PHF14: variants seen among roughly 807,000 people sequenced by gnomAD.
The protein encoded by PHF14 is PHD finger protein 14.
In PHF14, 55 loss-of-function variants were observed where a neutral mutation model predicts 117.9. That is an observed-to-expected ratio of 0.47 (90% CI 0.38 to 0.58). The LOEUF is 0.58. Among genes scored for constraint, PHF14 ranks in the 20% least tolerant of loss-of-function variants. The probability of loss-of-function intolerance (pLI) is 0.00; values close to 1 mark genes in which losing one functional copy is unlikely to be tolerated. For synonymous variants in PHF14, 409 were observed against 368.6 expected, an observed-to-expected ratio of 1.11 and a Z score of -1.26; for missense variants, 978 against 1,122.2, an observed-to-expected ratio of 0.87 and a Z score of 1.84.
At chr7:10,988,876 G>A (rs1467431600) in intron 3 of PHF14, among the ~76,000 whole-genome samples, 2 of 152,080 alleles carry the variant, frequency 1.3e-5, no homozygotes, top group South Asian at 4.1e-4. Context: ...ACAGCTTCGA[G>A]GTTCAGTAGG....
At chr7:11,159,448 G>T (rs1444687524) in intron 17 of PHF14, among the ~76,000 whole-genome samples, 1 of 151,878 alleles carries the variant, frequency 6.6e-6, no homozygotes, top group Admixed American at 6.6e-5. Flanking sequence ...AATGGCCAAA[G>T]ATGATGATTG....
chr7:11,038,574 C>T (rs888165593), intron 10 of PHF14, among the ~76,000 whole-genome samples, 186 bp from the exon 11 acceptor site: 14 of 151,566 alleles, frequency 9.2e-5, no homozygotes, highest in Non-Finnish European at 1.8e-4. Context: ...AGGAGAATCG[C>T]TTGAACCCCA....
chr7:11,145,703 C>A (rs1245536127), intron 17 of PHF14, among the ~76,000 whole-genome samples: 1 of 151,902 alleles, frequency 6.6e-6, no homozygotes, highest in Non-Finnish European at 1.5e-5. Flanking sequence ...TTTGTTTGTA[C>A]CACAAGGAAA....
chr7:11,151,095 T>G lies in PHF14; in HGVS notation c.2773-18321T>G, dbSNP rs564755093. On this transcript the variant is annotated intron_variant, in intron 17 of 17. Coordinates refer to ENST00000634607, the MANE Select transcript of PHF14 (RefSeq NM_001007157.2). ...GACAAAAAAACCTGTCATAATGCAA[T>G]GGTGAAATATAAATTTAAATTTTCT... Among the ~76,000 whole-genome samples the G allele has an allele frequency of 2.0e-5, 3 of 152,282 alleles. No homozygotes were observed. In the East Asian group the frequency reaches 5.8e-4, roughly 29 times the overall value.
intron 17 of PHF14, among the ~76,000 whole-genome samples, chr7:11,127,819 C>T (rs148098621): frequency 6.4e-4 from 97 of 152,128 alleles, no homozygotes; most frequent in Middle Eastern, 3.4e-3. Context: ...AGACCATTTA[C>T]GAGAGATTGA....
chr7:11,165,203 G>A (rs898377298), intron 17 of PHF14, among the ~76,000 whole-genome samples: 3 of 152,196 alleles, frequency 2.0e-5, no homozygotes, highest in Admixed American at 6.5e-5. Context: ...GATTACAGGC[G>A]TGAGCCACTG....
At chr7:11,094,636 A>G (rs1459945570) in intron 16 of PHF14, among the ~76,000 whole-genome samples, 2 of 152,180 alleles carry the variant, frequency 1.3e-5, no homozygotes, top group Non-Finnish European at 2.9e-5. Flanking sequence ...GGTTCCTGGA[A>G]AAAAGTTTGT....
rs1393997184 is a variant in PHF14, at chr7:11,023,496, G to GGTTGGGGCCTCTCT, written c.1317+521_1317+534dup. Among the ~76,000 whole-genome samples, 4 of 152,258 alleles carry GGTTGGGGCCTCTCT rather than the reference G, an allele frequency of 2.6e-5. No individual in the cohort carries two copies. The South Asian group carries it at 8.3e-4, about 32-fold the overall frequency. On this transcript the variant is annotated intron_variant, in intron 6 of 17. Transcript: ENST00000634607. ...GTTCCCCTATCTTTCTCCCTGACTT[G>GGTTGGGGCCTCTCT]GTTGGGGCCTCTCTGTTCGCTGAGA...
At chr7:11,119,633 T>C (rs1433378263) in intron 17 of PHF14, among the ~76,000 whole-genome samples, 1 of 151,918 alleles carries the variant, frequency 6.6e-6, no homozygotes, top group African/African-American at 2.4e-5. Flanking sequence ...TAGATGTAGA[T>C]ATAGTGAGAG....
chr7:10,997,421 T>C (rs936900485), intron 4 of PHF14, among the ~76,000 whole-genome samples: 8 of 152,216 alleles, frequency 5.3e-5, no homozygotes, highest in African/African-American at 1.9e-4. Context: ...GGAGGGTTTT[T>C]TTCTTTCTTA....
At chr7:11,133,258 A>C (rs1042526965) in intron 17 of PHF14, among the ~76,000 whole-genome samples, 13 of 151,908 alleles carry the variant, frequency 8.6e-5, no homozygotes, top group African/African-American at 3.1e-4. Flanking sequence ...ATAATATTAA[A>C]GGAGAACAAA....
chr7:11,074,809 A>G (rs1785766605), intron 16 of PHF14, among the ~76,000 whole-genome samples: 1 of 152,152 alleles, frequency 6.6e-6, no homozygotes, highest in Non-Finnish European at 1.5e-5. Context: ...ATTCGGCCAC[A>G]ACCACTTAAC....
At chr7:11,021,384 T>C (rs1049979799) in intron 5 of PHF14, among the ~76,000 whole-genome samples, 1 of 152,224 alleles carries the variant, frequency 6.6e-6, no homozygotes, top group Non-Finnish European at 1.5e-5. Flanking sequence ...TTACAGCTGG[T>C]ATTAAAAGGG....
At chr7:11,097,723 A>G in intron 16 of PHF14, among the ~76,000 whole-genome samples, 1 of 152,194 alleles carries the variant, frequency 6.6e-6, no homozygotes, top group East Asian at 1.9e-4. Context: ...CTCAAAGTTC[A>G]TTGTTGATAC....
intron 16 of PHF14, among the ~76,000 whole-genome samples, chr7:11,089,761 CTTTTTTTTTTTTTT>C (rs71023888): frequency 1.6e-4 from 16 of 97,892 alleles, no homozygotes; most frequent in Middle Eastern, 0.013. Context: ...TTCATGCATT[CTTTTTTTTTTTTTT>C]TTTTTTTTTT....
rs541693237 is a variant in PHF14, at chr7:11,083,767, C to T, written c.2654+21682C>T. ...GAGTCACCACACCTGGCCTGCTTTC[C>T]CTAATTTTACCTAATGAGAATTCTT... On this transcript the variant is annotated intron_variant, in intron 16 of 17. Coordinates refer to ENST00000634607, the MANE Select transcript of PHF14 (RefSeq NM_001007157.2). 5.3e-5 allele frequency among the ~76,000 whole-genome samples: 8 copies of T among 152,110 alleles called. No homozygotes were observed. The East Asian group carries it at 1.5e-3, about 29-fold the overall frequency.
At chr7:10,991,907 GT>G (rs1048504850) in intron 4 of PHF14, among the ~76,000 whole-genome samples, 82 of 137,688 alleles carry the variant, frequency 6.0e-4, no homozygotes, top group Middle Eastern at 3.8e-3. Flanking sequence ...CTTATTTCCA[GT>G]TTTTTTTTTT....
intron 17 of PHF14, among the ~76,000 whole-genome samples, chr7:11,139,189 T>C (rs1788333553): frequency 6.6e-6 from 1 of 152,154 alleles, no homozygotes; most frequent in African/African-American, 2.4e-5. Flanking sequence ...TAGAAGTGAA[T>C]TATTTATAAT....
intron 16 of PHF14, chr7:11,102,572 T>C: frequency 6.2e-7 from 1 of 1,604,950 alleles, no homozygotes; most frequent in Non-Finnish European, 8.5e-7. Context: ...TTTAAAAATG[T>C]GGATTAAACT....
Sources: gnomAD v4.1 joint callset for allele counts (sites outside exome capture counted in the v4.1 genomes callset) on GRCh38, gnomAD v4.1.1 for gene constraint, MANE v1.5 for transcripts, NCBI Gene and HGNC (gene_info 2026-07-23, HGNC 2026-07-21) for gene names.